SLC22A15: variants seen among roughly 807,000 people sequenced by gnomAD.
SLC22A15 encodes solute carrier family 22 member 15, also known as flipt 1.
SLC22A15 carries 45 observed loss-of-function variants against 62.7 expected under a neutral mutation model. The ratio of observed to expected loss-of-function variants is 0.72; its 90% CI spans 0.56 to 0.92. The LOEUF (loss-of-function observed/expected upper bound fraction) is 0.92. Ranked by LOEUF, SLC22A15 falls within the 40% of genes least tolerant of loss-of-function variation. The probability of loss-of-function intolerance (pLI) is 0.00; values close to 1 mark genes in which losing one functional copy is unlikely to be tolerated. For missense variants in SLC22A15, 622 were observed against 665.6 expected, an observed-to-expected ratio of 0.93 and a Z score of 0.72; for synonymous variants, 264 against 267.0, an observed-to-expected ratio of 0.99 and a Z score of 0.11.
At chr1:116,049,400 C>T (rs1657999277) in intron 8 of SLC22A15, among the ~76,000 whole-genome samples, 1 of 152,134 alleles carries the variant, frequency 6.6e-6, no homozygotes, top group Admixed American at 6.5e-5. Flanking sequence ...ATCAAGCACT[C>T]TCTCAGACCA....
At chr1:115,979,399 C>T (rs571714898) in intron 1 of SLC22A15, among the ~76,000 whole-genome samples, 85 of 152,056 alleles carry the variant, frequency 5.6e-4, no homozygotes, top group East Asian at 2.9e-3. Context: ...TTTTCCTCAG[C>T]GTAAGATGCA....
At chr1:116,007,472 C>T (rs1656040398) in intron 2 of SLC22A15, among the ~76,000 whole-genome samples, 1 of 152,192 alleles carries the variant, frequency 6.6e-6, no homozygotes, top group Non-Finnish European at 1.5e-5. Context: ...ATCACTGACC[C>T]ACACAACAGG....
intron 3 of SLC22A15, 85 bp from the exon 4 acceptor site, chr1:116,020,631 ATTTAT>A (rs1656779984): frequency 1.9e-6 from 2 of 1,067,818 alleles, no homozygotes; most frequent in African/African-American, 1.6e-5. Context: ...GTTTACAAAC[ATTTAT>A]TTTATAAGCT....
chr1:116,028,233 A>C (rs1657199463), intron 5 of SLC22A15, among the ~76,000 whole-genome samples: 1 of 152,148 alleles, frequency 6.6e-6, no homozygotes, highest in South Asian at 2.1e-4. Flanking sequence ...TTTAAAAATA[A>C]AATTTATTAA....
intron 2 of SLC22A15, among the ~76,000 whole-genome samples, chr1:116,000,625 C>CTTTTTTTT (rs56303802): frequency 1.4e-4 from 12 of 88,216 alleles, no homozygotes; most frequent in East Asian, 3.7e-4. Context: ...CTTTTTTTTC[C>CTTTTTTTT]TTTTTTTTTT....
chr1:116,000,562 A>G (rs1485890882), intron 2 of SLC22A15, among the ~76,000 whole-genome samples: 1 of 142,164 alleles, frequency 7.0e-6, no homozygotes, highest in Non-Finnish European at 1.5e-5. Context: ...AATATTCTGT[A>G]TTTGTCTGTG....
intron 8 of SLC22A15, among the ~76,000 whole-genome samples, chr1:116,056,058 C>G (rs1344355263): frequency 1.6e-5 from 2 of 122,000 alleles, no homozygotes; most frequent in African/African-American, 3.2e-5. Context: ...CTGGCCAGGG[C>G]AATTATGCAG....
intron 1 of SLC22A15, among the ~76,000 whole-genome samples, chr1:115,982,966 C>T (rs2101054711): frequency 6.6e-6 from 1 of 152,188 alleles, no homozygotes; most frequent in East Asian, 1.9e-4. Flanking sequence ...CTATCTCTTT[C>T]TGCATTCTCT....
intron 1 of SLC22A15, among the ~76,000 whole-genome samples, chr1:115,977,440 A>G (rs953515851): frequency 1.3e-5 from 2 of 152,238 alleles, no homozygotes; most frequent in South Asian, 4.1e-4. Context: ...CATATGCGAA[A>G]GGTCACTACA....
intron 8 of SLC22A15, among the ~76,000 whole-genome samples, chr1:116,047,378 G>C (rs1049015198): frequency 1.3e-5 from 2 of 152,194 alleles, no homozygotes; most frequent in African/African-American, 4.8e-5. Flanking sequence ...CATGAACCAA[G>C]ATCGTGCCAC....
intron 7 of SLC22A15, among the ~76,000 whole-genome samples, chr1:116,035,636 T>A (rs1657606618): frequency 6.6e-6 from 1 of 152,128 alleles, no homozygotes; most frequent in Admixed American, 6.6e-5. Flanking sequence ...TTTGTTAGTC[T>A]CCAGAGATGA....
At chr1:115,987,878 T>C (rs1654951335) in intron 1 of SLC22A15, among the ~76,000 whole-genome samples, 1 of 152,224 alleles carries the variant, frequency 6.6e-6, no homozygotes, top group South Asian at 2.1e-4. Flanking sequence ...TCATTTTTCC[T>C]ACTTAAAAAA....
intron 8 of SLC22A15, among the ~76,000 whole-genome samples, chr1:116,048,112 G>T (rs1008373704): frequency 7.2e-5 from 11 of 152,138 alleles, no homozygotes; most frequent in Admixed American, 1.3e-4. Flanking sequence ...AAGAATAATT[G>T]GTGTTCCTGA....
rs558498739 is a variant in SLC22A15, at chr1:115,987,857, C to T, written c.88-4174C>T. On this transcript the variant is annotated intron_variant, in intron 1 of 11. Coordinates refer to ENST00000369503, the MANE Select transcript of SLC22A15 (RefSeq NM_018420.3). ...TATAACATTGAACAATTTACTTAATCGTTCTGTATCTCATTTTTCCTACTT... is the reference window on the plus strand; with the variant it reads ...TATAACATTGAACAATTTACTTAATTGTTCTGTATCTCATTTTTCCTACTT... 2.6e-5 allele frequency among the ~76,000 whole-genome samples: 4 copies of T among 152,224 alleles called. 1 individual carries two copies. The East Asian group carries it at 5.8e-4, about 22-fold the overall frequency.
At chr1:115,995,959 A>G (rs961529088) in intron 2 of SLC22A15, among the ~76,000 whole-genome samples, 1 of 152,244 alleles carries the variant, frequency 6.6e-6, no homozygotes, top group African/African-American at 2.4e-5. Context: ...TAACTGAGAT[A>G]TTAACACTGA....
At chr1:116,063,627 A>G (rs1419738613) in intron 9 of SLC22A15, among the ~76,000 whole-genome samples, 2 of 152,164 alleles carry the variant, frequency 1.3e-5, no homozygotes, top group African/African-American at 4.8e-5. Flanking sequence ...TATTTTTCCT[A>G]GTAAGAGAGC....
intron 6 of SLC22A15, chr1:116,032,449 C>A: frequency 1.0e-6 from 1 of 985,222 alleles, no homozygotes; most frequent in Non-Finnish European, 1.2e-6. Context: ...TGCATGGAGC[C>A]CTACATTTCA....
At chr1:116,046,768 A>G (rs1372568210) in intron 8 of SLC22A15, among the ~76,000 whole-genome samples, 3 of 152,210 alleles carry the variant, frequency 2.0e-5, no homozygotes, top group Non-Finnish European at 2.9e-5. Context: ...CCTCTCCTGA[A>G]CACATACCCC....
intron 8 of SLC22A15, among the ~76,000 whole-genome samples, chr1:116,055,720 T>C (rs998438332): frequency 6.0e-5 from 9 of 151,144 alleles, no homozygotes; most frequent in Non-Finnish European, 7.4e-5. Context: ...ATCAAGTGGG[T>C]TTCATCCCTG....
Sources: allele counts gnomAD v4.1 joint callset (sites outside exome capture counted in the v4.1 genomes callset), GRCh38; gene constraint gnomAD v4.1.1; transcripts MANE v1.5; gene names NCBI Gene and HGNC (gene_info 2026-07-23, HGNC 2026-07-21).